Variants in TCF7L1 observed in about 807,000 individuals in gnomAD.
The protein encoded by TCF7L1 is transcription factor 7 like 1.
TCF7L1 carries 18 observed loss-of-function variants against 63.7 expected under a neutral mutation model. That is an observed-to-expected ratio of 0.28 (90% CI 0.20 to 0.42). The LOEUF is 0.42. TCF7L1 is among the 10% of genes least tolerant of loss of function. TCF7L1 has a pLI of 1.00. For missense variants in TCF7L1, 654 were observed against 779.3 expected, an observed-to-expected ratio of 0.84 and a Z score of 1.91; for synonymous variants, 355 against 340.9, an observed-to-expected ratio of 1.04 and a Z score of -0.46.
At position 85,301,139 on chromosome 2, in the gene TCF7L1, A is replaced by G. The variant is rs1210416190; in HGVS notation, c.526-1345A>G. ...TTGTAACTCACTTATCTTATTATCA[A>G]AAAACATAATTTCTGTCCTTTCTCT... On this transcript the variant is annotated intron_variant, in intron 4 of 11. Transcript: ENST00000282111. Among the ~76,000 whole-genome samples the G allele has an allele frequency of 2.6e-5, 4 of 152,298 alleles. No individual in the cohort carries two copies. The East Asian group carries it at 7.7e-4, about 29-fold the overall frequency.
At chr2:85,154,524 A>G (rs961397446) in intron 3 of TCF7L1, among the ~76,000 whole-genome samples, 1 of 152,120 alleles carries the variant, frequency 6.6e-6, no homozygotes, top group Non-Finnish European at 1.5e-5. Flanking sequence ...TGTGTTTGGA[A>G]TACTACCCCT....
chr2:85,167,493 C>T (rs900822134), intron 3 of TCF7L1: 2 of 152,178 alleles, frequency 1.3e-5, no homozygotes, highest in Non-Finnish European at 2.9e-5. Context: ...GTTACAGAAA[C>T]AACCTGAGTA....
At chr2:85,182,095 GA>G (rs1355068981) in intron 3 of TCF7L1, among the ~76,000 whole-genome samples, 2 of 152,172 alleles carry the variant, frequency 1.3e-5, no homozygotes, top group Non-Finnish European at 1.5e-5. Context: ...CGGGGCGCCT[GA>G]AGGAATTAAG....
At position 85,157,884 on chromosome 2, in the gene TCF7L1, G is replaced by A. The variant is rs1455141698; in HGVS notation, c.441+23434G>A. 3.3e-5 allele frequency among the ~76,000 whole-genome samples: 5 copies of A among 152,210 alleles called. No individual in the cohort carries two copies. In the East Asian group the frequency reaches 7.7e-4, roughly 24 times the overall value. On this transcript the variant is annotated intron_variant, in intron 3 of 11. Coordinates refer to ENST00000282111, the MANE Select transcript of TCF7L1 (RefSeq NM_031283.3). ...CTCCTCTCCCTCCTTCCCTCCTTAA[G>A]GGAGGTCTCGGGGTTAATGCGAGGT...
intron 3 of TCF7L1, among the ~76,000 whole-genome samples, chr2:85,227,581 A>G (rs949587958): frequency 1.3e-5 from 2 of 152,186 alleles, no homozygotes; most frequent in African/African-American, 2.4e-5. Flanking sequence ...TTTAAATTAT[A>G]TAAGCTTAGC....
rs769416345 is a variant in TCF7L1 at position 85,309,079 on chromosome 2, G to A, written c.1384G>A (p.Glu462Lys). The change falls in exon 12 of 12, where the codon GAG becomes AAG. Residue 462 changes from glutamate to lysine, a missense_variant. Around this residue, in one of 3 missense-constraint regions of TCF7L1, gnomAD observed 184 missense variants for 204.0 expected, o/e 0.90. Transcript: ENST00000282111. Reference protein sequence around the residue: ...KKPCVQYLPPEKPCDSPASSH... With the variant: ...KKPCVQYLPPKKPCDSPASSH... Reference sequence around the variant, plus strand: ...GCCATGTGTTCAGTACCTGCCCCCCGAGAAGCCCTGTGACAGCCCTGCCTC... The same window carrying A: ...GCCATGTGTTCAGTACCTGCCCCCCAAGAAGCCCTGTGACAGCCCTGCCTC... The A allele has an allele frequency of 1.5e-5, 24 of 1,612,504 alleles. No homozygotes were observed. Among genetic ancestry groups the A allele is most frequent in the East Asian group, 2.2e-5 (1 of 44,860 alleles).
chr2:85,294,656 C>T (rs1681803882), intron 4 of TCF7L1, among the ~76,000 whole-genome samples: 1 of 152,138 alleles, frequency 6.6e-6, no homozygotes, highest in East Asian at 1.9e-4. Context: ...ACATCAATAG[C>T]TCTGCCCCAG....
chr2:85,257,291 A>C (rs1211824163), intron 3 of TCF7L1, among the ~76,000 whole-genome samples: 1 of 152,110 alleles, frequency 6.6e-6, no homozygotes, highest in South Asian at 2.1e-4. Flanking sequence ...AAATATTTTA[A>C]ATTAATTTAA....
chr2:85,231,166 T>G (rs1017918263), intron 3 of TCF7L1, among the ~76,000 whole-genome samples: 1 of 152,142 alleles, frequency 6.6e-6, no homozygotes, highest in African/African-American at 2.4e-5. Context: ...GCCAGGCCTG[T>G]TGAGGTGGGT....
At chr2:85,244,505 G>C (rs539329360) in intron 3 of TCF7L1, among the ~76,000 whole-genome samples, 9 of 151,310 alleles carry the variant, frequency 5.9e-5, no homozygotes, top group East Asian at 5.8e-4. Flanking sequence ...CAAATGTGGG[G>C]AGCAAGAGGA....
chr2:85,257,643 G>A lies in TCF7L1; in HGVS notation c.442-25852G>A, dbSNP rs190885007. 2.2e-3 allele frequency among the ~76,000 whole-genome samples: 341 copies of A among 151,840 alleles called. 1 individual carries two copies. Among genetic ancestry groups the A allele is most frequent in the African/African-American group, 7.6e-3 (312 of 41,110 alleles). On this transcript the variant is annotated intron_variant, in intron 3 of 11. Coordinates refer to ENST00000282111, the MANE Select transcript of TCF7L1 (RefSeq NM_031283.3). The stretch of plus-strand genomic sequence containing the variant: ...CCAGCTGCTGGCCACACATGCCCAC[G>A]GGGCTGCTCTGGCCCTGCCTGACCC...
rs1682227499 is a variant in TCF7L1, at chr2:85,309,623, T to C, written c.*161T>C. 1 of 574,516 alleles carries C rather than the reference T, an allele frequency of 1.7e-6. No homozygotes were observed. The highest frequency in any genetic ancestry group is 1.9e-5 in the African/African-American group (1 of 52,076). The allele number at this position is 574,516 out of a possible 1,614,324, so 35.6% of individuals were successfully genotyped here. ...CTTTACAGTTTGTAGATGTAACCAG[T>C]AGCTGATCTTAAGGCTTTTTTAAAA... On this transcript the variant is annotated 3_prime_UTR_variant, in exon 12 of 12. Transcript: ENST00000282111.
intron 3 of TCF7L1, among the ~76,000 whole-genome samples, chr2:85,143,398 TATG>T (rs1428638522): frequency 6.6e-6 from 1 of 152,152 alleles, no homozygotes; most frequent in Non-Finnish European, 1.5e-5. Flanking sequence ...TGCTGGCAAA[TATG>T]AGGTAAAATG....
intron 3 of TCF7L1, among the ~76,000 whole-genome samples, chr2:85,164,509 G>A (rs1678369779): frequency 6.6e-6 from 1 of 152,124 alleles, no homozygotes; most frequent in Non-Finnish European, 1.5e-5. Flanking sequence ...GGAGTGGCAG[G>A]GTTATGGAGA....
rs143170118 is a variant in TCF7L1 at position 85,239,277 on chromosome 2, G to A, written c.442-44218G>A. 2.3e-3 allele frequency among the ~76,000 whole-genome samples: 346 copies of A among 152,224 alleles called. 1 individual carries two copies. Among genetic ancestry groups the A allele is most frequent in the African/African-American group, 7.8e-3 (324 of 41,542 alleles). ...TCCTATGCAGTCGGAGGCCTTCCCT[G>A]TGGTCCTTTGCCCTGCTTCTCTGCT... On this transcript the variant is annotated intron_variant, in intron 3 of 11. Transcript: ENST00000282111.
chr2:85,241,938 G>A (rs1370920443), intron 3 of TCF7L1, among the ~76,000 whole-genome samples: 1 of 151,736 alleles, frequency 6.6e-6, no homozygotes, highest in African/African-American at 2.4e-5. Context: ...CGTGAGTCCA[G>A]GAATAGTTTG....
At position 85,309,405 on chromosome 2, in the gene TCF7L1, G is replaced by A. The variant is rs889052013; in HGVS notation, c.1710G>A (p.Gln570=). Residue 570 remains glutamine (Q), a synonymous_variant, in exon 12 of 12, where the codon CAG becomes CAA. Coordinates refer to ENST00000282111, the MANE Select transcript of TCF7L1 (RefSeq NM_031283.3). ...PSFPATLHAH[Q]ALPVLQAQPL... ...TCCCCGCCACGCTCCATGCCCACCAGGCCCTCCCGGTGCTACAGGCCCAGC... is the reference window on the plus strand; with the variant it reads ...TCCCCGCCACGCTCCATGCCCACCAAGCCCTCCCGGTGCTACAGGCCCAGC... The A allele has an allele frequency of 6.3e-7, 1 of 1,584,898 alleles. No homozygotes were observed. The highest frequency in any genetic ancestry group is 8.6e-7 in the Non-Finnish European group (1 of 1,164,960).
At chr2:85,264,576 A>G (rs1456668973) in intron 3 of TCF7L1, among the ~76,000 whole-genome samples, 1 of 152,230 alleles carries the variant, frequency 6.6e-6, no homozygotes, top group Non-Finnish European at 1.5e-5. Context: ...TGCTTGTGAA[A>G]GTTAAGTTCT....
At chr2:85,189,873 A>G (rs1237757977) in intron 3 of TCF7L1, among the ~76,000 whole-genome samples, 1 of 152,202 alleles carries the variant, frequency 6.6e-6, no homozygotes, top group Non-Finnish European at 1.5e-5. Context: ...TGTTTGGAGA[A>G]GCCCAGGGCC....
Sources: gnomAD v4.1 joint callset for allele counts (sites outside exome capture counted in the v4.1 genomes callset) on GRCh38, gnomAD v4.1.1 for gene constraint, gnomAD v4.1.1 regional missense constraint, MANE v1.5 for transcripts, NCBI Gene and HGNC (gene_info 2026-07-23, HGNC 2026-07-21) for gene names.